SPAG16: variants seen among roughly 807,000 people sequenced by gnomAD.
SPAG16 encodes the protein sperm associated antigen 16.
Under a neutral mutation model 80.4 loss-of-function variants are expected in SPAG16, and 86 were observed. The observed-to-expected ratio is 1.07, with a 90% CI of 0.90 to 1.28. SPAG16 has a LOEUF of 1.28. SPAG16 is among the 50% of genes most tolerant of loss of function. The pLI is 0.00. For synonymous variants in SPAG16, 294 were observed against 265.9 expected, an observed-to-expected ratio of 1.11 and a Z score of -1.03; for missense variants, 870 against 765.3, an observed-to-expected ratio of 1.14 and a Z score of -1.61.
At position 213,317,331 on chromosome 2, in the gene SPAG16, T is replaced by G. The variant is rs1451160301; in HGVS notation, c.511T>G (p.Leu171Val). 3 of 1,610,526 alleles carry G rather than the reference T, an allele frequency of 1.9e-6. No homozygotes were observed. The African/African-American group carries it at 4.0e-5, about 22-fold the overall frequency. Reference sequence around the variant, plus strand: ...TGAGAACAAAAATTTAAAGAAAGATTTGAAGCACTACAAACAAGCAGCTGA... The same window carrying G: ...TGAGAACAAAAATTTAAAGAAAGATGTGAAGCACTACAAACAAGCAGCTGA... ...ENENKNLKKDLKHYKQAADKA... is the reference protein window; with the variant it reads ...ENENKNLKKDVKHYKQAADKA... The change falls in exon 5 of 16, where the codon TTG becomes GTG. Residue 171 changes from leucine to valine, a missense_variant. Leu to Val is a conservative substitution (Grantham distance 32). Transcript: ENST00000331683.
chr2:213,990,964 C>A (rs184783620), intron 12 of SPAG16, among the ~76,000 whole-genome samples: 9 of 152,088 alleles, frequency 5.9e-5, no homozygotes, highest in South Asian at 2.1e-4. Context: ...AGGTATAGGT[C>A]TCCCCAGTTT....
At chr2:213,520,571 G>T (rs1051043742) in intron 10 of SPAG16, among the ~76,000 whole-genome samples, 1 of 152,180 alleles carries the variant, frequency 6.6e-6, no homozygotes, top group Non-Finnish European at 1.5e-5. Context: ...TCCAGCCTGA[G>T]TGACAGAGCA....
rs1171126568 is a variant in SPAG16, at chr2:214,066,622, G to T, written c.1528-41574G>T. Among the ~76,000 whole-genome samples the T allele has an allele frequency of 2.0e-5, 3 of 151,754 alleles. No homozygotes were observed. The South Asian group carries it at 6.2e-4, about 31-fold the overall frequency. On this transcript the variant is annotated intron_variant, in intron 13 of 15. Transcript: ENST00000331683. ...TGCCTAGAACAGGACAATATTTGCAGCAACAAAATATTCAATATAATAAAA... is the reference window on the plus strand; with the variant it reads ...TGCCTAGAACAGGACAATATTTGCATCAACAAAATATTCAATATAATAAAA...
intron 10 of SPAG16, among the ~76,000 whole-genome samples, chr2:213,583,529 C>T (rs2060363403): frequency 6.6e-6 from 1 of 152,030 alleles, no homozygotes; most frequent in Admixed American, 6.6e-5. Flanking sequence ...TATAATGCTT[C>T]ATATACTGCT....
At chr2:214,171,267 G>A (rs975685222) in intron 15 of SPAG16, among the ~76,000 whole-genome samples, 2 of 151,804 alleles carry the variant, frequency 1.3e-5, no homozygotes, top group Admixed American at 1.3e-4. Flanking sequence ...AATTATCATG[G>A]CAAAAATGTG....
At chr2:213,573,648 T>G (rs1457026944) in intron 10 of SPAG16, among the ~76,000 whole-genome samples, 1 of 152,244 alleles carries the variant, frequency 6.6e-6, no homozygotes, top group Non-Finnish European at 1.5e-5. Flanking sequence ...TTGTATATAT[T>G]TTTATACGTA....
At chr2:213,736,252 T>C (rs1400270786) in intron 10 of SPAG16, among the ~76,000 whole-genome samples, 1 of 152,172 alleles carries the variant, frequency 6.6e-6, no homozygotes, top group Non-Finnish European at 1.5e-5. Context: ...AAGATAATGA[T>C]GATGACATCA....
intron 11 of SPAG16, among the ~76,000 whole-genome samples, chr2:213,887,819 G>A (rs763807012): frequency 4.0e-5 from 6 of 151,580 alleles, no homozygotes; most frequent in African/African-American, 1.2e-4. Context: ...AGATATTAAC[G>A]GATGGTAGAG....
At chr2:213,705,546 T>C (rs1191931382) in intron 10 of SPAG16, among the ~76,000 whole-genome samples, 2 of 152,154 alleles carry the variant, frequency 1.3e-5, no homozygotes, top group Non-Finnish European at 2.9e-5. Context: ...ATAAATATAG[T>C]GAAAAACTTT....
intron 15 of SPAG16, among the ~76,000 whole-genome samples, chr2:214,378,904 G>C (rs1227281660): frequency 6.6e-6 from 1 of 152,192 alleles, no homozygotes; most frequent in Non-Finnish European, 1.5e-5. Context: ...AATGGAAGGA[G>C]CAGCAGCAGT....
chr2:214,306,766 T>C (rs1694944033), intron 15 of SPAG16, among the ~76,000 whole-genome samples: 1 of 152,212 alleles, frequency 6.6e-6, no homozygotes, highest in Admixed American at 6.5e-5. Flanking sequence ...TGCTGCTAGA[T>C]TGCCAGTATT....
intron 15 of SPAG16, among the ~76,000 whole-genome samples, chr2:214,247,422 T>C (rs954283330): frequency 6.6e-6 from 1 of 152,156 alleles, no homozygotes; most frequent in Middle Eastern, 3.2e-3. Flanking sequence ...ACATAACTAA[T>C]ATTCATCAAT....
chr2:213,867,125 T>A (rs2075720325), intron 11 of SPAG16, among the ~76,000 whole-genome samples: 1 of 152,230 alleles, frequency 6.6e-6, no homozygotes, highest in Non-Finnish European at 1.5e-5. Context: ...AGATCTTTTT[T>A]AAGGACATGG....
chr2:213,892,542 G>A (rs918262863), intron 11 of SPAG16, among the ~76,000 whole-genome samples: 1 of 152,102 alleles, frequency 6.6e-6, no homozygotes, highest in Non-Finnish European at 1.5e-5. Context: ...TTTTAAGAAA[G>A]CTCAGTGATC....
At chr2:213,760,269 G>A (rs1312648081) in intron 10 of SPAG16, among the ~76,000 whole-genome samples, 2 of 151,846 alleles carry the variant, frequency 1.3e-5, no homozygotes, top group African/African-American at 4.8e-5. Flanking sequence ...ACAAGAGCAG[G>A]GTAGCTATAC....
chr2:213,682,072 T>C (rs190349259), intron 10 of SPAG16, among the ~76,000 whole-genome samples: 4 of 152,148 alleles, frequency 2.6e-5, no homozygotes, highest in Non-Finnish European at 5.9e-5. Context: ...CCAATCCTAA[T>C]GAAACACCAG....
At chr2:213,426,040 T>C (rs2069893710) in intron 9 of SPAG16, among the ~76,000 whole-genome samples, 2 of 152,236 alleles carry the variant, frequency 1.3e-5, no homozygotes, top group South Asian at 2.1e-4. Context: ...CTATTATTAT[T>C]TTAACTAGTA....
chr2:213,827,573 T>C (rs1326386336), intron 10 of SPAG16, among the ~76,000 whole-genome samples: 5 of 152,168 alleles, frequency 3.3e-5, no homozygotes, highest in Non-Finnish European at 7.4e-5. Context: ...AATTACAATG[T>C]GATAATATTC....
At chr2:214,166,746 A>G (rs963030922) in intron 15 of SPAG16, among the ~76,000 whole-genome samples, 1 of 152,152 alleles carries the variant, frequency 6.6e-6, no homozygotes, top group Non-Finnish European at 1.5e-5. Flanking sequence ...AACCACTACA[A>G]TGTGCGTAGG....
Sources: allele counts gnomAD v4.1 joint callset (sites outside exome capture counted in the v4.1 genomes callset), GRCh38; gene constraint gnomAD v4.1.1; transcripts MANE v1.5; gene names NCBI Gene and HGNC (gene_info 2026-07-23, HGNC 2026-07-21).